The following SBF2 variants were observed in gnomAD, a reference collection of about 807,000 sequenced individuals.
SBF2 encodes the protein SET binding factor 2.
SBF2 carries 112 observed loss-of-function variants against 225.2 expected under a neutral mutation model. That is an observed-to-expected ratio of 0.50 (90% CI 0.43 to 0.58). SBF2 has a LOEUF of 0.58. Ranked by LOEUF, SBF2 falls within the 20% of genes least tolerant of loss-of-function variation. The pLI is 0.00. For missense variants in SBF2, 1,996 were observed against 2,206.2 expected, an observed-to-expected ratio of 0.90 and a Z score of 1.91; for synonymous variants, 763 against 773.3, an observed-to-expected ratio of 0.99 and a Z score of 0.22.
At chr11:9,972,607 A>G (rs534883409) in intron 13 of SBF2, among the ~76,000 whole-genome samples, 42 of 152,210 alleles carry the variant, frequency 2.8e-4, no homozygotes, top group Non-Finnish European at 4.6e-4. Context: ...CAGCCTCCCA[A>G]GTAGCTGGGA....
chr11:10,046,120 C>A (rs976580229), intron 2 of SBF2, among the ~76,000 whole-genome samples: 1 of 152,036 alleles, frequency 6.6e-6, no homozygotes, highest in Non-Finnish European at 1.5e-5. Context: ...TATGCACATA[C>A]CACACCATTT....
At chr11:9,813,732 A>G (rs541057984) in intron 29 of SBF2, among the ~76,000 whole-genome samples, 3 of 152,286 alleles carry the variant, frequency 2.0e-5, no homozygotes, top group Admixed American at 2.0e-4. Context: ...ACCTGAGGTC[A>G]GGAGTTCAAG....
At chr11:9,983,786 G>C (rs1947066973) in intron 13 of SBF2, among the ~76,000 whole-genome samples, 1 of 152,148 alleles carries the variant, frequency 6.6e-6, no homozygotes, top group African/African-American at 2.4e-5. Flanking sequence ...TACCAGCCTG[G>C]AGCCAGGGAG....
chr11:10,106,490 G>A (rs1296672111), intron 2 of SBF2, among the ~76,000 whole-genome samples: 2 of 152,044 alleles, frequency 1.3e-5, no homozygotes, highest in East Asian at 1.9e-4. Context: ...ATAGCCGGAC[G>A]TGGTGGCGTG....
Position 10,071,420 on chromosome 11 carries a change from C to A in SBF2, c.142-28439G>T, listed in dbSNP as rs959603395. Among the ~76,000 whole-genome samples the A allele has an allele frequency of 5.3e-5, 8 of 152,140 alleles. 1 individual carries two copies. Among genetic ancestry groups the A allele is most frequent in the African/African-American group, 9.6e-5 (4 of 41,484 alleles). On this transcript the variant is annotated intron_variant, in intron 2 of 39. Transcript: ENST00000256190. ...TACCTGGGACTACAAGCGCCCGCAA[C>A]CACGCCTGGCTAATTTTTTGTATTT... is the stretch of plus-strand genomic sequence containing the variant.
intron 1 of SBF2, among the ~76,000 whole-genome samples, chr11:10,244,524 A>G (rs1959573016): frequency 6.6e-6 from 1 of 152,164 alleles, no homozygotes; most frequent in Admixed American, 6.5e-5. Flanking sequence ...CAGCTTTGTA[A>G]TATATTTTAA....
chr11:10,087,151 A>G (rs1951600777), intron 2 of SBF2, among the ~76,000 whole-genome samples: 1 of 151,926 alleles, frequency 6.6e-6, no homozygotes, highest in Non-Finnish European at 1.5e-5. Context: ...TAAATCTTCC[A>G]TCTTCTGGGT....
chr11:10,216,282 T>C (rs757757575), intron 1 of SBF2, among the ~76,000 whole-genome samples: 1 of 152,350 alleles, frequency 6.6e-6, no homozygotes, highest in South Asian at 2.1e-4. Context: ...TGTTGAAAGA[T>C]CTAAATCATT....
At chr11:9,887,174 C>A (rs572296293) in intron 17 of SBF2, among the ~76,000 whole-genome samples, 1 of 150,528 alleles carries the variant, frequency 6.6e-6, no homozygotes, top group East Asian at 1.9e-4. Flanking sequence ...AATTATCATT[C>A]AAAAAAAGTT....
At chr11:9,918,249 C>T (rs1459954929) in intron 16 of SBF2, among the ~76,000 whole-genome samples, 1 of 152,162 alleles carries the variant, frequency 6.6e-6, no homozygotes, top group Non-Finnish European at 1.5e-5. Flanking sequence ...ATTTTTGAGC[C>T]TTTGGGGGAG....
intron 2 of SBF2, among the ~76,000 whole-genome samples, chr11:10,061,679 G>A (rs1466349446): frequency 2.0e-5 from 3 of 151,956 alleles, no homozygotes; most frequent in African/African-American, 7.2e-5. Context: ...AACACTGCTC[G>A]AAGAAATCAG....
intron 16 of SBF2, among the ~76,000 whole-genome samples, chr11:9,903,164 T>C (rs1861861097): frequency 6.6e-6 from 1 of 151,502 alleles, no homozygotes; most frequent in Admixed American, 6.6e-5. Flanking sequence ...TACTAAAAAA[T>C]ACAAAAAATT....
intron 2 of SBF2, among the ~76,000 whole-genome samples, chr11:10,150,234 A>G (rs954689027): frequency 3.3e-5 from 5 of 152,226 alleles, no homozygotes. Context: ...AGGTTCATTT[A>G]GTTACTCTAG....
intron 16 of SBF2, among the ~76,000 whole-genome samples, chr11:9,896,887 T>C (rs188361760): frequency 6.7e-4 from 102 of 151,878 alleles, no homozygotes; most frequent in Non-Finnish European, 9.4e-4. Flanking sequence ...TGCTGATGAA[T>C]AGAAAGGTCA....
intron 6 of SBF2, among the ~76,000 whole-genome samples, chr11:10,007,991 G>A (rs1038673331): frequency 6.6e-6 from 1 of 152,178 alleles, no homozygotes; most frequent in Non-Finnish European, 1.5e-5. Flanking sequence ...TCATACTAGG[G>A]CAAATTCTGT....
At chr11:10,280,469 C>G (rs10500724) in intron 1 of SBF2, among the ~76,000 whole-genome samples, 1 of 151,846 alleles carries the variant, frequency 6.6e-6, no homozygotes, top group African/African-American at 2.4e-5. Context: ...CTGGATCTTA[C>G]TAAGTCTGCA....
chr11:10,249,395 G>A (rs1960125622), intron 1 of SBF2, among the ~76,000 whole-genome samples: 1 of 151,886 alleles, frequency 6.6e-6, no homozygotes, highest in Non-Finnish European at 1.5e-5. Flanking sequence ...TCTCGAACAA[G>A]ATTTTCATGT....
chr11:9,925,884 AG>A (rs1430207071), intron 16 of SBF2, among the ~76,000 whole-genome samples: 1 of 152,184 alleles, frequency 6.6e-6, no homozygotes, highest in Non-Finnish European at 1.5e-5. Context: ...ACATCAAATC[AG>A]GGTACTGAAC....
intron 2 of SBF2, among the ~76,000 whole-genome samples, chr11:10,106,820 A>C (rs1189720615): frequency 6.6e-6 from 1 of 152,152 alleles, no homozygotes; most frequent in African/African-American, 2.4e-5. Flanking sequence ...AGAAAAATCT[A>C]ATTTAAAATA....
Sources: gnomAD v4.1 joint callset for allele counts (sites outside exome capture counted in the v4.1 genomes callset) on GRCh38, gnomAD v4.1.1 for gene constraint, MANE v1.5 for transcripts, NCBI Gene and HGNC (gene_info 2026-07-23, HGNC 2026-07-21) for gene names.